Variants in MGRN1 observed in about 807,000 individuals in gnomAD.
MGRN1 encodes mahogunin ring finger 1.
In MGRN1, 29 loss-of-function variants were observed where a neutral mutation model predicts 69.2. The observed-to-expected ratio is 0.42, with a 90% CI of 0.31 to 0.57. The LOEUF is 0.57. MGRN1 is among the 20% of genes least tolerant of loss of function. The probability of loss-of-function intolerance (pLI) is 0.15; values close to 1 mark genes in which losing one functional copy is unlikely to be tolerated. For synonymous variants in MGRN1, 470 were observed against 344.2 expected, an observed-to-expected ratio of 1.37 and a Z score of -4.04; for missense variants, 998 against 796.2, an observed-to-expected ratio of 1.25 and a Z score of -3.05.
intron 1 of MGRN1, chr16:4,650,063 G>T: frequency 4.4e-6 from 1 of 226,896 alleles, no homozygotes. Context: ...AGAACCTTGG[G>T]AGGCTGAGGC....
At chr16:4,655,168 G>GT (rs1325250642) in intron 4 of MGRN1, among the ~76,000 whole-genome samples, 1 of 152,162 alleles carries the variant, frequency 6.6e-6, no homozygotes, top group African/African-American at 2.4e-5. Flanking sequence ...TTGTGGCGAG[G>GT]TGTCCAGGGG....
chr16:4,687,387 A>G (rs1282901934), intron 16 of MGRN1: 1 of 922,632 alleles, frequency 1.1e-6, no homozygotes, highest in Non-Finnish European at 1.3e-6. Context: ...TCTATGAAAA[A>G]TAAAAAATTG....
chr16:4,683,949 C>A lies in MGRN1; in HGVS notation c.1618+17C>A. ...ACCTGCCAGGTAAGGGGCTGGGGGT[C>A]TGGGGGTGAGGGGCTGGGTGCCTGT... On this transcript the variant is annotated intron_variant, in intron 16 of 16. Coordinates refer to ENST00000262370, the MANE Select transcript of MGRN1 (RefSeq NM_015246.4). The A allele has an allele frequency of 1.9e-6, 1 of 527,282 alleles. No homozygotes were observed. The highest frequency in any genetic ancestry group is 2.3e-5 in the Admixed American group (1 of 43,452). 32.7% of individuals were successfully genotyped at this position (527,282 alleles called of 1,614,324 possible).
At chr16:4,666,163 T>C (rs2078801167) in intron 7 of MGRN1, among the ~76,000 whole-genome samples, 1 of 152,064 alleles carries the variant, frequency 6.6e-6, no homozygotes, top group South Asian at 2.1e-4. Context: ...GGTCTCGCTC[T>C]GTTGCCCAGG....
intron 9 of MGRN1, 92 bp downstream of exon 9, chr16:4,671,551 C>A: frequency 8.2e-7 from 1 of 1,221,184 alleles, no homozygotes; most frequent in Non-Finnish European, 1.2e-6. Context: ...CCCTTCCATG[C>A]CTTCCCCTGG....
At position 4,681,323 on chromosome 16, in the gene MGRN1, C is replaced by T. The variant is rs559744539; in HGVS notation, c.1132-227C>T. The T allele has an allele frequency of 1.3e-4, 71 of 554,150 alleles. No individual in the cohort carries two copies. In the Middle Eastern group the frequency reaches 1.8e-3, roughly 14 times the overall value. 34.3% of individuals were successfully genotyped at this position (554,150 alleles called of 1,614,324 possible). On this transcript the variant is annotated intron_variant, in intron 12 of 16. Coordinates refer to ENST00000262370, the MANE Select transcript of MGRN1 (RefSeq NM_015246.4). ...GGTTCTTGGCAGATGCCCTCGTGCC[C>T]GTCATCCCAGGCACCAGCGTGGGCA...
At chr16:4,663,212 C>G (rs1462214256) in intron 5 of MGRN1, among the ~76,000 whole-genome samples, 2 of 151,954 alleles carry the variant, frequency 1.3e-5, no homozygotes, top group Admixed American at 1.3e-4. Context: ...TACAGGCATG[C>G]GTCACCATGC....
In MGRN1 at chr16:4,677,585, T is replaced by A; in HGVS notation, c.1065+13T>A. The stretch of plus-strand genomic sequence containing the variant: ...TGATGAGCACTCTGTAAGTGCCGCC[T>A]CCTGCCTGCGGGATGGGCGGGAGAG... On this transcript the variant is annotated intron_variant, in intron 11 of 16. Coordinates refer to ENST00000262370, the MANE Select transcript of MGRN1 (RefSeq NM_015246.4). The A allele has an allele frequency of 6.3e-7, 1 of 1,597,592 alleles. No homozygotes were observed. Among genetic ancestry groups the A allele is most frequent in the Non-Finnish European group, 8.5e-7 (1 of 1,178,244 alleles).
chr16:4,682,250 C>G (rs1461694608), intron 13 of MGRN1, among the ~76,000 whole-genome samples: 1 of 152,242 alleles, frequency 6.6e-6, no homozygotes, highest in East Asian at 1.9e-4. Context: ...GGGGCACGGT[C>G]CCTCTCCAGG....
intron 10 of MGRN1, among the ~76,000 whole-genome samples, chr16:4,674,633 T>TTC: frequency 9.2e-6 from 1 of 108,168 alleles, no homozygotes; most frequent in Non-Finnish European, 2.0e-5. Context: ...TTTCTTTTTT[T>TTC]TTTTTTTTTT....
intron 1 of MGRN1, among the ~76,000 whole-genome samples, chr16:4,629,080 G>A (rs998584280): frequency 3.3e-5 from 5 of 151,568 alleles, no homozygotes; most frequent in Non-Finnish European, 5.9e-5. Context: ...CAGGTGATCT[G>A]CCCACCTCAG....
chr16:4,683,311 C>T, intron 15 of MGRN1, 42 bp downstream of exon 15: 1 of 1,610,160 alleles, frequency 6.2e-7, no homozygotes, highest in South Asian at 1.1e-5. Context: ...ATGCAGGGAC[C>T]AGGCAGCCCT....
At chr16:4,686,303 G>C in intron 16 of MGRN1, 1 of 1,544,892 alleles carries the variant, frequency 6.5e-7, no homozygotes, top group Non-Finnish European at 8.7e-7. Context: ...CGAGTAAGCC[G>C]GTACGTGACC....
chr16:4,689,069 G>C lies in MGRN1; in HGVS notation c.*161G>C, dbSNP rs2079401442. The C allele has an allele frequency of 1.0e-6, 1 of 955,624 alleles. No homozygotes were observed. Among genetic ancestry groups the C allele is most frequent in the East Asian group, 2.7e-5 (1 of 36,462 alleles). The allele number at this position is 955,624 out of a possible 1,614,324, so 59.2% of individuals were successfully genotyped here. A position where few individuals can be genotyped will look rare whatever the true frequency, so the allele number is the denominator to read the frequency against. On this transcript the variant is annotated 3_prime_UTR_variant, in exon 17 of 17. Transcript: ENST00000262370. ...TCTTGATCAAAGAGCACAGTGAACT[G>C]TCCCTTCTGAGTCTCCCTTTTCTAC...
intron 9 of MGRN1, among the ~76,000 whole-genome samples, chr16:4,672,688 G>C (rs2078966438): frequency 6.6e-6 from 1 of 152,224 alleles, no homozygotes; most frequent in Admixed American, 6.5e-5. Flanking sequence ...CGGTGTTCCA[G>C]TAAGATTTTA....
At position 4,656,164 on chromosome 16, in the gene MGRN1, G is replaced by A. The variant is rs2078532969; in HGVS notation, c.444-1082G>A. ...ATTGTGAATTGGGTTCCTGCATGGA[G>A]TTTTATCAGAAATGAAACTGCTTGA... On this transcript the variant is annotated intron_variant, in intron 4 of 16. Transcript: ENST00000262370. 2.6e-5 allele frequency among the ~76,000 whole-genome samples: 4 copies of A among 152,246 alleles called. No individual in the cohort carries two copies. The South Asian group carries it at 8.3e-4, about 31-fold the overall frequency.
chr16:4,667,470 C>CT (rs2078831216), intron 7 of MGRN1, among the ~76,000 whole-genome samples: 1 of 152,222 alleles, frequency 6.6e-6, no homozygotes, highest in Non-Finnish European at 1.5e-5. Flanking sequence ...GCCACGGTGA[C>CT]TATTGACACA....
chr16:4,686,389 C>T (rs1437681574), intron 16 of MGRN1: 3 of 1,500,990 alleles, frequency 2.0e-6, no homozygotes, highest in Non-Finnish European at 8.8e-7. Context: ...GCGGGGGTTC[C>T]TTCTGGTTTT....
Position 4,632,208 on chromosome 16 carries a change from G to GA in MGRN1, c.88+7160_88+7161insA, listed in dbSNP as rs1164924075. Among the ~76,000 whole-genome samples, 23 of 149,300 alleles carry GA rather than the reference G, an allele frequency of 1.5e-4. No homozygotes were observed. The Admixed American group carries it at 1.5e-3, about 10-fold the overall frequency. The stretch of plus-strand genomic sequence containing the variant: ...ATTTTTGTATTTTTAGTAGAGATGG[G>GA]TTTCACCATGTTGGCAGGGATGGTC... On this transcript the variant is annotated intron_variant, in intron 1 of 16. Transcript: ENST00000262370.
Sources: allele counts gnomAD v4.1 joint callset (sites outside exome capture counted in the v4.1 genomes callset), GRCh38; gene constraint gnomAD v4.1.1; transcripts MANE v1.5; gene names NCBI Gene and HGNC (gene_info 2026-07-23, HGNC 2026-07-21).